The following TENM3 variants were observed in gnomAD, a reference collection of about 807,000 sequenced individuals.
TENM3 encodes the protein teneurin transmembrane protein 3, also known as teneurin-3.
In TENM3, 63 loss-of-function variants were observed where a neutral mutation model predicts 255.1. That is an observed-to-expected ratio of 0.25 (90% CI 0.20 to 0.30). The LOEUF (loss-of-function observed/expected upper bound fraction) is 0.30. Among genes scored for constraint, TENM3 ranks in the 10% least tolerant of loss-of-function variants. The pLI, the probability that TENM3 is intolerant of heterozygous loss-of-function variation, is 1.00. For missense variants in TENM3, 2,929 were observed against 3,461.1 expected (o/e 0.85, Z 3.86); for synonymous variants, 1,306 against 1,322.3 (o/e 0.99, Z 0.27).
chr4:182,430,688 AG>A (rs59059351), intron 3 of TENM3, among the ~76,000 whole-genome samples: 2,560 of 152,096 alleles, frequency 0.017, 57 homozygotes, highest in African/African-American at 0.053. Context: ...TCGATCACAA[AG>A]CAGAGATCTG....
At position 182,190,552 on chromosome 4, in the gene TENM3, C is replaced by T. The variant is rs564637878; in HGVS notation, c.-76+45798C>T. Reference sequence around the variant, plus strand: ...TACAGGACGACGGAAGCCAGTAATCCGTTTATAACTGTACTCCCATGACAA... The same window carrying T: ...TACAGGACGACGGAAGCCAGTAATCTGTTTATAACTGTACTCCCATGACAA... On this transcript the variant is annotated intron_variant, in intron 1 of 2. Transcript: ENST00000512480. Among the ~76,000 whole-genome samples the T allele has an allele frequency of 3.3e-5, 5 of 152,212 alleles. No individual in the cohort carries two copies. In the South Asian group the frequency reaches 1.0e-3, roughly 32 times the overall value.
At chr4:181,518,514 G>A in the TENM3 span, among the ~76,000 whole-genome samples, 7 of 152,006 alleles carry the variant, frequency 4.6e-5, no homozygotes, top group South Asian at 4.2e-4. Flanking sequence ...TGCAACCTCC[G>A]CCTCCTGGGT....
chr4:182,375,446 G>A (rs1302874853), intron 3 of TENM3, among the ~76,000 whole-genome samples: 1 of 152,144 alleles, frequency 6.6e-6, no homozygotes, highest in Non-Finnish European at 1.5e-5. Context: ...GGCAGAGAAA[G>A]GTTTTTATTT....
chr4:182,638,680 G>A (rs771511891), intron 5 of TENM3, among the ~76,000 whole-genome samples: 2 of 152,182 alleles, frequency 1.3e-5, no homozygotes, highest in African/African-American at 4.8e-5. Context: ...ATCCGGGAGG[G>A]AATTAATGCT....
chr4:182,487,602 T>C (rs1439124454), intron 3 of TENM3, among the ~76,000 whole-genome samples: 1 of 152,118 alleles, frequency 6.6e-6, no homozygotes, highest in Non-Finnish European at 1.5e-5. Context: ...CCAACTGAGC[T>C]ACTTAGGCTA....
chr4:181,745,679 C>A, the TENM3 span, among the ~76,000 whole-genome samples: 15 of 152,202 alleles, frequency 9.9e-5, no homozygotes, highest in Admixed American at 9.8e-4. Context: ...CTCACTTCTC[C>A]GTTTTATTTG....
At chr4:181,600,164 T>C in the TENM3 span, among the ~76,000 whole-genome samples, 1 of 152,246 alleles carries the variant, frequency 6.6e-6, no homozygotes, top group African/African-American at 2.4e-5. Flanking sequence ...ATTGTTGTGA[T>C]TCAATCATTT....
chr4:182,648,154 C>T lies in TENM3; in HGVS notation c.989-5617C>T, dbSNP rs532743878. Among the ~76,000 whole-genome samples, 44 of 152,192 alleles carry T rather than the reference C, an allele frequency of 2.9e-4. No individual in the cohort carries two copies. The South Asian group carries it at 9.1e-3, about 32-fold the overall frequency. ...CTGGAGCACAGACCATCACAGTTGA[C>T]TCACCTGCAACATCATGAAAGGAAA... is the stretch of plus-strand genomic sequence containing the variant. On this transcript the variant is annotated intron_variant, in intron 5 of 27. Transcript: ENST00000511685.
chr4:181,523,831 T>G, the TENM3 span, among the ~76,000 whole-genome samples: 1 of 152,156 alleles, frequency 6.6e-6, no homozygotes, highest in African/African-American at 2.4e-5. Flanking sequence ...TTGGTGTACT[T>G]AGAGCAAAGC....
At chr4:181,555,355 T>C in the TENM3 span, among the ~76,000 whole-genome samples, 1 of 152,292 alleles carries the variant, frequency 6.6e-6, no homozygotes, top group East Asian at 1.9e-4. Context: ...CACTAAAAAT[T>C]AGTTGCTTCT....
At chr4:182,381,954 T>C (rs966604040) in intron 3 of TENM3, among the ~76,000 whole-genome samples, 1 of 152,062 alleles carries the variant, frequency 6.6e-6, no homozygotes, top group Non-Finnish European at 1.5e-5. Flanking sequence ...TGCTAGGGAG[T>C]AGAGGTCTTG....
At chr4:182,521,735 T>G (rs1738595651) in intron 3 of TENM3, among the ~76,000 whole-genome samples, 1 of 152,242 alleles carries the variant, frequency 6.6e-6, no homozygotes, top group South Asian at 2.1e-4. Context: ...TGTTGCTGCC[T>G]CAGTAGGATA....
the TENM3 span, among the ~76,000 whole-genome samples, chr4:181,650,810 A>G: frequency 6.6e-6 from 1 of 152,234 alleles, no homozygotes; most frequent in Non-Finnish European, 1.5e-5. Context: ...CCTCATTCCT[A>G]TTTTTAAAAC....
the TENM3 span, among the ~76,000 whole-genome samples, chr4:181,663,165 A>G: frequency 6.6e-6 from 1 of 152,136 alleles, no homozygotes; most frequent in South Asian, 2.1e-4. Context: ...TAGTTCAACA[A>G]GGGGTCTGCT....
chr4:182,615,033 A>AG (rs1561005141), intron 4 of TENM3, among the ~76,000 whole-genome samples: 1 of 87,356 alleles, frequency 1.1e-5, no homozygotes, highest in Non-Finnish European at 2.4e-5. Flanking sequence ...TCTCAGAAAA[A>AG]AAAAAAAAAA....
the TENM3 span, among the ~76,000 whole-genome samples, chr4:181,921,265 G>A: frequency 6.6e-6 from 1 of 152,118 alleles, no homozygotes; most frequent in Admixed American, 6.5e-5. Flanking sequence ...TTCCAATTCT[G>A]TGAAGAAAGT....
chr4:181,595,568 A>G, the TENM3 span, among the ~76,000 whole-genome samples: 1 of 152,000 alleles, frequency 6.6e-6, no homozygotes, highest in African/African-American at 2.4e-5. Flanking sequence ...TTAGTGATAT[A>G]CAATCTCAGG....
chr4:182,053,581 T>C, the TENM3 span, among the ~76,000 whole-genome samples: 1 of 152,126 alleles, frequency 6.6e-6, no homozygotes, highest in Non-Finnish European at 1.5e-5. Flanking sequence ...GGCAGCTCTG[T>C]AGGAGGAGAG....
intron 1 of TENM3, among the ~76,000 whole-genome samples, chr4:182,304,742 G>A (rs142758644): frequency 6.0e-4 from 91 of 152,258 alleles, no homozygotes; most frequent in African/African-American, 2.2e-3. Flanking sequence ...CTCACCTGTC[G>A]TGTCCAATAG....
Sources: gnomAD v4.1 joint callset for allele counts (sites outside exome capture counted in the v4.1 genomes callset) on GRCh38, gnomAD v4.1.1 for gene constraint, MANE v1.5 for transcripts, NCBI Gene and HGNC (gene_info 2026-07-23, HGNC 2026-07-21) for gene names.